Variants in PRDM1 observed in about 807,000 individuals in gnomAD.
The protein encoded by PRDM1 is PR/SET domain 1.
In PRDM1, 13 loss-of-function variants were observed where a neutral mutation model predicts 62.8. The observed-to-expected ratio is 0.21, with a 90% CI of 0.13 to 0.33. The LOEUF is 0.33. Among genes scored for constraint, PRDM1 ranks in the 10% least tolerant of loss-of-function variants. The probability of loss-of-function intolerance (pLI) is 1.00; values close to 1 mark genes in which losing one functional copy is unlikely to be tolerated. For missense variants in PRDM1, 895 were observed against 1,058.8 expected, an observed-to-expected ratio of 0.85 and a Z score of 2.15; for synonymous variants, 396 against 417.6, an observed-to-expected ratio of 0.95 and a Z score of 0.63.
At chr6:106,042,574 G>T (rs1773019581) in intron 1 of PRDM1, among the ~76,000 whole-genome samples, 1 of 151,590 alleles carries the variant, frequency 6.6e-6, no homozygotes, top group Non-Finnish European at 1.5e-5. Context: ...ACAAAACCAA[G>T]TGTGAACAAA....
At chr6:105,999,278 G>C (rs902646404) in intron 1 of PRDM1, among the ~76,000 whole-genome samples, 2 of 151,912 alleles carry the variant, frequency 1.3e-5, no homozygotes, top group Non-Finnish European at 2.9e-5. Flanking sequence ...ACAGGGGGTT[G>C]GGCAGCAGTG....
intron 4 of PRDM1, among the ~76,000 whole-genome samples, chr6:106,103,973 C>T (rs1157858432): frequency 6.6e-6 from 1 of 152,200 alleles, no homozygotes; most frequent in Non-Finnish European, 1.5e-5. Context: ...GTATTCACTT[C>T]GCTAAGCTCC....
chr6:106,097,921 G>A (rs1398035058), intron 3 of PRDM1, among the ~76,000 whole-genome samples: 1 of 152,100 alleles, frequency 6.6e-6, no homozygotes, highest in Admixed American at 6.5e-5. Context: ...AAAACACACC[G>A]CAAAAGCTCT....
chr6:106,065,769 C>T (rs571432663), intron 1 of PRDM1, among the ~76,000 whole-genome samples: 1 of 152,298 alleles, frequency 6.6e-6, no homozygotes, highest in East Asian at 1.9e-4. Context: ...ATTGAGACTT[C>T]CCTGCTTCCA....
At chr6:106,099,597 C>T (rs986033108) in intron 4 of PRDM1, 45 bp downstream of exon 4, 3 of 1,603,734 alleles carry the variant, frequency 1.9e-6, no homozygotes, top group Non-Finnish European at 2.6e-6. Context: ...CCAGTAATGT[C>T]GGTTCTGCCC....
At chr6:106,093,307 G>GGAA (rs1319445582) in intron 2 of PRDM1, among the ~76,000 whole-genome samples, 2 of 152,176 alleles carry the variant, frequency 1.3e-5, no homozygotes, top group African/African-American at 4.8e-5. Flanking sequence ...ATGGCAATTT[G>GGAA]GAAGAAGAAC....
chr6:106,017,363 T>C (rs773999620), intron 1 of PRDM1, among the ~76,000 whole-genome samples: 3 of 152,202 alleles, frequency 2.0e-5, no homozygotes, highest in Non-Finnish European at 4.4e-5. Context: ...AATGTATCCA[T>C]TTTCTAAACA....
intron 1 of PRDM1, among the ~76,000 whole-genome samples, chr6:106,032,377 G>A (rs930514144): frequency 1.2e-4 from 18 of 148,742 alleles, no homozygotes; most frequent in African/African-American, 4.5e-4. Context: ...CGTTGCCCAG[G>A]TTGGTCTAGA....
At chr6:106,061,498 T>C (rs1773344615) in intron 1 of PRDM1, among the ~76,000 whole-genome samples, 1 of 152,230 alleles carries the variant, frequency 6.6e-6, no homozygotes, top group Non-Finnish European at 1.5e-5. Context: ...TGAATTCATC[T>C]GCAGTGGGCA....
chr6:106,005,526 G>T (rs1019240014), intron 1 of PRDM1, among the ~76,000 whole-genome samples: 1 of 152,168 alleles, frequency 6.6e-6, no homozygotes, highest in Non-Finnish European at 1.5e-5. Context: ...CTTGAATTTT[G>T]AGTAAAATGA....
rs12663005 is a variant in PRDM1, at chr6:106,107,835, A to G, written c.*349A>G. The G allele has an allele frequency of 0.032, 7,337 of 232,182 alleles. 176 individuals carry two copies. The highest frequency in any genetic ancestry group is 0.072 in the East Asian group (1,177 of 16,286). The allele number at this position is 232,182 out of a possible 1,614,324, so 14.4% of individuals were successfully genotyped here. Reference sequence around the variant, plus strand: ...TTACCTAGTCATAATTATTTTTTCAATGATAATCCTTCATAATTTATTATA... The same window carrying G: ...TTACCTAGTCATAATTATTTTTTCAGTGATAATCCTTCATAATTTATTATA... On this transcript the variant is annotated 3_prime_UTR_variant, in exon 7 of 7. Coordinates refer to ENST00000369096, the MANE Select transcript of PRDM1 (RefSeq NM_001198.4).
intron 1 of PRDM1, among the ~76,000 whole-genome samples, chr6:106,027,837 T>C (rs1772786832): frequency 6.6e-6 from 1 of 152,228 alleles, no homozygotes; most frequent in East Asian, 1.9e-4. Flanking sequence ...CTTTGGCTGC[T>C]TTGCTGACTG....
chr6:106,081,961 A>G (rs1934594), upstream of PRDM1, among the ~76,000 whole-genome samples: 2 of 152,000 alleles, frequency 1.3e-5, no homozygotes, highest in African/African-American at 4.8e-5. Flanking sequence ...ATTCTTGGCG[A>G]CCTTCCCTTT....
chr6:106,109,768 A>C lies in PRDM1; in HGVS notation c.*2282A>C. The C allele has an allele frequency of 4.3e-6, 1 of 233,228 alleles. No homozygotes were observed. The highest frequency in any genetic ancestry group is 8.5e-6 in the Non-Finnish European group (1 of 117,716). The allele number at this position is 233,228 out of a possible 1,614,324, so 14.4% of individuals were successfully genotyped here. On this transcript the variant is annotated 3_prime_UTR_variant, in exon 7 of 7. Transcript: ENST00000369096. ...ACATGTGAATGTTGAGCCCACAATC[A>C]ACAGTGGTTTTATTTTTTCCTCTAC...
intron 1 of PRDM1, among the ~76,000 whole-genome samples, chr6:106,081,257 G>A (rs147148767): frequency 2.0e-5 from 3 of 152,134 alleles, no homozygotes; most frequent in Non-Finnish European, 4.4e-5. Flanking sequence ...CATTTAAAAG[G>A]TTCTCCAATA....
chr6:106,107,593 C>A lies in PRDM1; in HGVS notation c.*107C>A. ...TCCCAGCTCTGCAAAGCTCTCTCGACAGCAAATGGTTTCCCCTCACCTCTG... is the reference window on the plus strand; with the variant it reads ...TCCCAGCTCTGCAAAGCTCTCTCGAAAGCAAATGGTTTCCCCTCACCTCTG... On this transcript the variant is annotated 3_prime_UTR_variant, in exon 7 of 7. Transcript: ENST00000369096. The A allele has an allele frequency of 2.0e-6, 2 of 1,008,450 alleles. No individual in the cohort carries two copies. The highest frequency in any genetic ancestry group is 2.8e-6 in the Non-Finnish European group (2 of 712,526). The allele number at this position is 1,008,450 out of a possible 1,614,324, so 62.5% of individuals were successfully genotyped here.
In PRDM1 at chr6:106,104,982, C is replaced by T. The variant is rs754987679; in HGVS notation, c.822C>T (p.Leu274=). 2.5e-6 allele frequency: 4 copies of T among 1,614,150 alleles called. No homozygotes were observed. The highest frequency in any genetic ancestry group is 3.4e-6 in the Non-Finnish European group (4 of 1,180,032). The change falls in exon 5 of 7, where the codon CTC becomes CTT. Residue 274 remains leucine (L), a synonymous_variant. Transcript: ENST00000369096. The part of the protein sequence containing the change: ...KDLYRSNISP[L]TSEKDLDDFR... ...TCTACCGTTCTAACATTTCACCCCT[C>T]ACATCAGAAAAGGACCTCGATGACT...
intron 1 of PRDM1, among the ~76,000 whole-genome samples, chr6:105,998,921 ATATATATATATATTTTTTT>A (rs1175490014): frequency 8.6e-3 from 24 of 2,778 alleles, no homozygotes; most frequent in African/African-American, 0.024. Context: ...ATATATATAT[ATATATATATATATTTTTTT>A]TTTTTTTTTT....
At chr6:106,101,675 A>G (rs1774277581) in intron 4 of PRDM1, among the ~76,000 whole-genome samples, 1 of 152,240 alleles carries the variant, frequency 6.6e-6, no homozygotes, top group Admixed American at 6.5e-5. Context: ...GACTGTGATC[A>G]GGAAAATTTC....
Sources: allele counts gnomAD v4.1 joint callset (sites outside exome capture counted in the v4.1 genomes callset), GRCh38; gene constraint gnomAD v4.1.1; transcripts MANE v1.5; gene names NCBI Gene and HGNC (gene_info 2026-07-23, HGNC 2026-07-21).